Variants in IL2RA observed in about 807,000 individuals in gnomAD.
IL2RA encodes the protein interleukin 2 receptor subunit alpha.
A neutral mutation model predicts 37.8 loss-of-function variants in IL2RA; 24 were observed. The observed-to-expected ratio is 0.63, with a 90% CI of 0.46 to 0.89. IL2RA has a LOEUF of 0.89. Among genes scored for constraint, IL2RA ranks in the 40% least tolerant of loss-of-function variants. The pLI is 0.00. For missense variants in IL2RA, 319 were observed against 348.6 expected (o/e 0.92, Z 0.68); for synonymous variants, 125 against 114.6 (o/e 1.09, Z -0.58).
chr10:6,044,055 G>A lies in IL2RA; in HGVS notation c.65-18030C>T, dbSNP rs1198143290. Among the ~76,000 whole-genome samples, 4 of 152,160 alleles carry A rather than the reference G, an allele frequency of 2.6e-5. No individual in the cohort carries two copies. Among genetic ancestry groups the A allele is most frequent in the African/African-American group, 4.8e-5 (2 of 41,424 alleles). On this transcript the variant is annotated intron_variant, in intron 1 of 7. Coordinates refer to ENST00000379959, the MANE Select transcript of IL2RA (RefSeq NM_000417.3). The surrounding 1 kb of genome is among the most constrained non-coding windows in gnomAD (Gnocchi z 4.5). ...CCAAACTCAGTGGCAAGTCCACAGCGGGGAAAGTCTAACTCCCAATTTTAT... is the reference window on the plus strand; with the variant it reads ...CCAAACTCAGTGGCAAGTCCACAGCAGGGAAAGTCTAACTCCCAATTTTAT...
intron 7 of IL2RA, among the ~76,000 whole-genome samples, chr10:6,016,243 CCCTTCTG>C (rs1207080130): frequency 6.6e-6 from 1 of 152,202 alleles, no homozygotes; most frequent in East Asian, 1.9e-4. Context: ...CACTCTCTTG[CCCTTCTG>C]CCTTCTGCCA....
At chr10:6,043,682 C>T (rs557091405) in intron 1 of IL2RA, among the ~76,000 whole-genome samples, 2 of 152,330 alleles carry the variant, frequency 1.3e-5, no homozygotes, top group East Asian at 1.9e-4. Context: ...AGGTGATCTA[C>T]CTGCCTCGGC....
Position 6,019,803 on chromosome 10 carries a change from T to G in IL2RA, c.655+67A>C, listed in dbSNP as rs1391859252. 4 of 1,437,100 alleles carry G rather than the reference T, an allele frequency of 2.8e-6. No homozygotes were observed. The African/African-American group carries it at 4.2e-5, about 15-fold the overall frequency. The allele number at this position is 1,437,100 out of a possible 1,614,324, so 89.0% of individuals were successfully genotyped here. ...TCACCTCCGCCTATCTCCCTGAGCC[T>G]GGCTCCTGGTCACCTCTGCCCTTTT... On this transcript the variant is annotated intron_variant, in intron 5 of 7. Transcript: ENST00000379959.
chr10:6,052,621 C>G (rs1484313943), intron 1 of IL2RA, among the ~76,000 whole-genome samples: 1 of 143,814 alleles, frequency 7.0e-6, no homozygotes, highest in African/African-American at 2.6e-5. Context: ...CTCTGAAAAC[C>G]TTCCCAGGGG....
rs1283093400 is a variant in IL2RA, at chr10:6,044,271, A to G, written c.64+17817T>C. Among the ~76,000 whole-genome samples the G allele has an allele frequency of 6.6e-6, 1 of 152,258 alleles. No individual in the cohort carries two copies. The highest frequency in any genetic ancestry group is 1.5e-5 in the Non-Finnish European group (1 of 68,044). ...TTCAGGGGCAAGCCAGTGGTAGAAT[A>G]AAAGAAAACAGCTTTATTGAAGTGG... On this transcript the variant is annotated intron_variant, in intron 1 of 7. Coordinates refer to ENST00000379959, the MANE Select transcript of IL2RA (RefSeq NM_000417.3). This position sits in a 1 kb window ranked among gnomAD's most constrained non-coding sequence, Gnocchi z 4.5.
chr10:6,056,279 T>C lies in IL2RA; in HGVS notation c.64+5809A>G, dbSNP rs534115191. On this transcript the variant is annotated intron_variant, in intron 1 of 7. Coordinates refer to ENST00000379959, the MANE Select transcript of IL2RA (RefSeq NM_000417.3). The surrounding 1 kb of genome is among the most constrained non-coding windows in gnomAD (Gnocchi z 5.0). ...AGAGCTGGAACTTTCTTCATCTCTG[T>C]AATCCTCATGCATGAATGGATGGAT... 6.6e-6 allele frequency among the ~76,000 whole-genome samples: 1 copy of C among 152,208 alleles called. No individual in the cohort carries two copies. The highest frequency in any genetic ancestry group is 1.5e-5 in the Non-Finnish European group (1 of 68,042).
intron 7 of IL2RA, among the ~76,000 whole-genome samples, chr10:6,017,437 T>G (rs1839298407): frequency 6.6e-6 from 1 of 152,162 alleles, no homozygotes; most frequent in Non-Finnish European, 1.5e-5. Context: ...TGCATCTCTC[T>G]AGGCCACAGC....
At position 6,022,788 on chromosome 10, in the gene IL2RA, C is replaced by T. The variant is rs1383120756; in HGVS notation, c.368-1095G>A. Among the ~76,000 whole-genome samples the T allele has an allele frequency of 1.6e-5, 2 of 121,258 alleles. No individual in the cohort carries two copies. Among genetic ancestry groups the T allele is most frequent in the Admixed American group, 8.7e-5 (1 of 11,448 alleles). 79.5% of individuals were successfully genotyped at this position (121,258 alleles called of 152,430 possible). A position where few individuals can be genotyped will look rare whatever the true frequency, so the allele number is the denominator to read the frequency against. On this transcript the variant is annotated intron_variant, in intron 3 of 7. Transcript: ENST00000379959. The surrounding 1 kb of genome is among the most constrained non-coding windows in gnomAD (Gnocchi z 4.7). ...ACCCAAACTGAGACAATCTTTGAAA[C>T]ATCCCTCAGGCAGAGCCAGCCTTCG...
Position 6,036,750 on chromosome 10 carries a change from C to T in IL2RA, c.65-10725G>A, listed in dbSNP as rs1232855720. On this transcript the variant is annotated intron_variant, in intron 1 of 7. Transcript: ENST00000379959. This position sits in a 1 kb window ranked among gnomAD's most constrained non-coding sequence, Gnocchi z 6.1. ...GCTATTTTTGTGTCCCTTGAGTTAA[C>T]CAGAAATACCAACCCTGGAAAGAGA... Among the ~76,000 whole-genome samples, 3 of 152,102 alleles carry T rather than the reference C, an allele frequency of 2.0e-5. No homozygotes were observed. The highest frequency in any genetic ancestry group is 4.4e-5 in the Non-Finnish European group (3 of 68,026).
At position 6,044,023 on chromosome 10, in the gene IL2RA, C is replaced by T. The variant is rs1446144142; in HGVS notation, c.65-17998G>A. Among the ~76,000 whole-genome samples, 2 of 152,210 alleles carry T rather than the reference C, an allele frequency of 1.3e-5. No homozygotes were observed. The highest frequency in any genetic ancestry group is 2.9e-5 in the Non-Finnish European group (2 of 68,042). ...GAACTTTATCAGAGAAAGAAACCCC[C>T]CTCTCCCCAAACTCAGTGGCAAGTC... On this transcript the variant is annotated intron_variant, in intron 1 of 7. Transcript: ENST00000379959. This position sits in a 1 kb window ranked among gnomAD's most constrained non-coding sequence, Gnocchi z 4.5.
At position 6,029,339 on chromosome 10, in the gene IL2RA, G is replaced by A. The variant is rs1217135354; in HGVS notation, c.65-3314C>T. ...GCCAACACGTCTGGCTACTTTTTGT[G>A]TTTTTAGTAGAGATGAGGTTTCACC... On this transcript the variant is annotated intron_variant, in intron 1 of 7. Transcript: ENST00000379959. This position sits in a 1 kb window ranked among gnomAD's most constrained non-coding sequence, Gnocchi z 4.6. Among the ~76,000 whole-genome samples, 1 of 151,734 alleles carries A rather than the reference G, an allele frequency of 6.6e-6. No homozygotes were observed. Among genetic ancestry groups the A allele is most frequent in the Non-Finnish European group, 1.5e-5 (1 of 67,946 alleles).
At chr10:6,060,218 C>A (rs1477005041) in intron 1 of IL2RA, among the ~76,000 whole-genome samples, 1 of 152,116 alleles carries the variant, frequency 6.6e-6, no homozygotes, top group African/African-American at 2.4e-5. Context: ...TAAAAGTATG[C>A]CCTCTTTATA....
rs1021087189 is a variant in IL2RA at position 6,030,905 on chromosome 10, A to G, written c.65-4880T>C. 2.0e-5 allele frequency among the ~76,000 whole-genome samples: 3 copies of G among 152,184 alleles called. No individual in the cohort carries two copies. In the East Asian group the frequency reaches 5.8e-4, roughly 29 times the overall value. On this transcript the variant is annotated intron_variant, in intron 1 of 7. Transcript: ENST00000379959. ...TTTATATCATATAGAAAATGGTACA[A>G]TATTAAGTAAGTAGATAGTGATAAG...
intron 1 of IL2RA, among the ~76,000 whole-genome samples, chr10:6,051,841 A>ATATATATATATATATATATATATATG (rs1839967849): frequency 7.8e-6 from 1 of 127,642 alleles, no homozygotes. Flanking sequence ...ATATATATAT[A>ATATATATATATATATATATATATATG]TAGAATTTTT....
rs1195578323 is a variant in IL2RA, at chr10:6,011,013, A to G, written c.*1859T>C. ...GAAGGGGGAGGGGGAGAGTGCACAGATGAGTCTGTTTGTATGTGGTTGGTC... is the reference window on the plus strand; with the variant it reads ...GAAGGGGGAGGGGGAGAGTGCACAGGTGAGTCTGTTTGTATGTGGTTGGTC... On this transcript the variant is annotated 3_prime_UTR_variant, in exon 8 of 8. Coordinates refer to ENST00000379959, the MANE Select transcript of IL2RA (RefSeq NM_000417.3). This position sits in a 1 kb window ranked among gnomAD's most constrained non-coding sequence, Gnocchi z 5.2. 6.6e-6 allele frequency: 1 copy of G among 152,320 alleles called. No individual in the cohort carries two copies. The highest frequency in any genetic ancestry group is 1.5e-5 in the Non-Finnish European group (1 of 68,032). 9.4% of individuals were successfully genotyped at this position (152,320 alleles called of 1,614,324 possible).
At chr10:6,037,781 C>A (rs1004831372) in intron 1 of IL2RA, among the ~76,000 whole-genome samples, 1 of 152,144 alleles carries the variant, frequency 6.6e-6, no homozygotes, top group African/African-American at 2.4e-5. Context: ...TCCTCCCAGA[C>A]CCCTAGCCAA....
chr10:6,022,350 T>A lies in IL2RA; in HGVS notation c.368-657A>T, dbSNP rs1839401687. Among the ~76,000 whole-genome samples the A allele has an allele frequency of 6.6e-6, 1 of 152,094 alleles. No homozygotes were observed. Among genetic ancestry groups the A allele is most frequent in the African/African-American group, 2.4e-5 (1 of 41,402 alleles). ...TTTCAAGACGTCTCAAAATTTCCCATCCCCAGAACTTTCCACTCACCCAAC... is the reference window on the plus strand; with the variant it reads ...TTTCAAGACGTCTCAAAATTTCCCAACCCCAGAACTTTCCACTCACCCAAC... On this transcript the variant is annotated intron_variant, in intron 3 of 7. Transcript: ENST00000379959. The surrounding 1 kb of genome is among the most constrained non-coding windows in gnomAD (Gnocchi z 4.7).
At chr10:6,045,081 T>C (rs923242150) in intron 1 of IL2RA, among the ~76,000 whole-genome samples, 15 of 152,200 alleles carry the variant, frequency 9.9e-5, no homozygotes, top group Non-Finnish European at 1.9e-4. Flanking sequence ...GAAGGCGGTG[T>C]GGTTCAAGGA....
chr10:6,023,136 C>T (rs756301278), intron 3 of IL2RA, among the ~76,000 whole-genome samples: 4 of 152,186 alleles, frequency 2.6e-5, no homozygotes, highest in African/African-American at 4.8e-5. Flanking sequence ...ATCTTTTGTG[C>T]ATCTCAGTTT....
Sources: gnomAD v4.1 joint callset for allele counts (sites outside exome capture counted in the v4.1 genomes callset) on GRCh38, gnomAD v4.1.1 for gene constraint, Gnocchi (gnomAD v3.1) non-coding constraint, MANE v1.5 for transcripts, NCBI Gene and HGNC (gene_info 2026-07-23, HGNC 2026-07-21) for gene names.